The following SNX4 variants were observed in gnomAD, a reference collection of about 807,000 sequenced individuals.
The protein encoded by SNX4 is sorting nexin-4.
SNX4 carries 49 observed loss-of-function variants against 70.8 expected under a neutral mutation model. That is an observed-to-expected ratio of 0.69 (90% CI 0.55 to 0.88). SNX4 has a LOEUF of 0.88. Among genes scored for constraint, SNX4 ranks in the 40% least tolerant of loss-of-function variants. The pLI is 0.00. For synonymous variants in SNX4, 206 were observed against 183.8 expected (o/e 1.12, Z -0.98); for missense variants, 528 against 544.8 (o/e 0.97, Z 0.31).
intron 8 of SNX4, among the ~76,000 whole-genome samples, chr3:125,470,573 A>G (rs1559813760): frequency 6.6e-6 from 1 of 151,988 alleles, no homozygotes; most frequent in East Asian, 1.9e-4. Flanking sequence ...CACCTCTTGG[A>G]TCTAGAACTC....
chr3:125,510,494 G>C (rs908211606), intron 1 of SNX4, among the ~76,000 whole-genome samples: 22 of 152,124 alleles, frequency 1.4e-4, no homozygotes, highest in Non-Finnish European at 2.5e-4. Flanking sequence ...CTCCCAAAGT[G>C]CTGGGATTAC....
chr3:125,462,926 T>C (rs1382801244), intron 9 of SNX4, among the ~76,000 whole-genome samples: 2 of 152,214 alleles, frequency 1.3e-5, no homozygotes, highest in East Asian at 1.9e-4. Context: ...GACTAACTCA[T>C]AGGCAGTACA....
At chr3:125,506,344 C>CTTTTTTT (rs552693772) in intron 1 of SNX4, among the ~76,000 whole-genome samples, 1 of 137,720 alleles carries the variant, frequency 7.3e-6, no homozygotes, top group African/African-American at 2.7e-5. Flanking sequence ...TTTTTCATTT[C>CTTTTTTT]TTTTTTTTTT....
chr3:125,514,197 AAG>A (rs1214093318), intron 1 of SNX4, among the ~76,000 whole-genome samples: 2 of 152,164 alleles, frequency 1.3e-5, no homozygotes, highest in African/African-American at 4.8e-5. Context: ...AGCAATAACT[AAG>A]AAAAATAGGG....
At chr3:125,479,257 T>C (rs1453811659) in intron 7 of SNX4, among the ~76,000 whole-genome samples, 1 of 152,064 alleles carries the variant, frequency 6.6e-6, no homozygotes, top group African/African-American at 2.4e-5. Flanking sequence ...ATATATTTCA[T>C]TTCAAGAGGA....
chr3:125,464,483 C>T (rs1933958097), intron 9 of SNX4, among the ~76,000 whole-genome samples: 1 of 150,880 alleles, frequency 6.6e-6, no homozygotes, highest in African/African-American at 2.4e-5. Flanking sequence ...CCAGTTATTC[C>T]AACACCATTT....
chr3:125,468,761 T>G (rs1374518577), intron 9 of SNX4, among the ~76,000 whole-genome samples: 1 of 151,064 alleles, frequency 6.6e-6, no homozygotes, highest in Non-Finnish European at 1.5e-5. Flanking sequence ...AGGTGGAAGG[T>G]GTGCTTGAGC....
intron 7 of SNX4, among the ~76,000 whole-genome samples, chr3:125,478,308 G>C (rs928942247): frequency 6.6e-6 from 1 of 151,874 alleles, no homozygotes; most frequent in Admixed American, 6.6e-5. Flanking sequence ...GACCTCAAAT[G>C]ATCTGCCCAC....
At chr3:125,502,379 C>T (rs1934947770) in intron 2 of SNX4, among the ~76,000 whole-genome samples, 1 of 149,936 alleles carries the variant, frequency 6.7e-6, no homozygotes, top group Non-Finnish European at 1.5e-5. Flanking sequence ...TCTTTTCTCT[C>T]TTTTTCTTTC....
intron 10 of SNX4, among the ~76,000 whole-genome samples, chr3:125,457,572 C>CTTTTTTT (rs1005344428): frequency 3.6e-5 from 4 of 110,434 alleles, no homozygotes; most frequent in Non-Finnish European, 7.2e-5. Flanking sequence ...TTCATATATT[C>CTTTTTTT]TTTTTTTTTT....
At chr3:125,495,984 C>T (rs975625224) in intron 5 of SNX4, among the ~76,000 whole-genome samples, 11 of 152,134 alleles carry the variant, frequency 7.2e-5, no homozygotes, top group African/African-American at 2.7e-4. Context: ...CAAGAAAATT[C>T]TAATTGTTTC....
chr3:125,508,865 A>T (rs1408995397), intron 1 of SNX4, among the ~76,000 whole-genome samples: 1 of 151,810 alleles, frequency 6.6e-6, no homozygotes, highest in Non-Finnish European at 1.5e-5. Context: ...ACAAAAACTA[A>T]CTTTAAATGG....
At chr3:125,460,445 A>G (rs1933850271) in intron 10 of SNX4, among the ~76,000 whole-genome samples, 1 of 152,228 alleles carries the variant, frequency 6.6e-6, no homozygotes, top group African/African-American at 2.4e-5. Context: ...ATAGCAATAT[A>G]CAACATAGTA....
At position 125,495,277 on chromosome 3, in the gene SNX4, T is replaced by TATATACAC; in HGVS notation, c.597+2063_597+2064insGTGTATAT. Among the ~76,000 whole-genome samples the TATATACAC allele has an allele frequency of 3.4e-4, 34 of 99,604 alleles. 2 individuals carry two copies. The highest frequency in any genetic ancestry group is 1.1e-3 in the East Asian group (3 of 2,656). 65.3% of individuals were successfully genotyped at this position (99,604 alleles called of 152,430 possible). ...ATATATATATATATATATATATATA[T>TATATACAC]ACACATACACACACACACACGTATG... On this transcript the variant is annotated intron_variant, in intron 5 of 13. Transcript: ENST00000251775.
chr3:125,512,225 A>C (rs1935187987), intron 1 of SNX4, among the ~76,000 whole-genome samples: 1 of 152,188 alleles, frequency 6.6e-6, no homozygotes, highest in Non-Finnish European at 1.5e-5. Flanking sequence ...ATGTATTAAT[A>C]ATACATTCTG....
intron 6 of SNX4, among the ~76,000 whole-genome samples, chr3:125,484,171 A>G (rs924297195): frequency 1.3e-5 from 2 of 152,186 alleles, no homozygotes; most frequent in Admixed American, 6.5e-5. Flanking sequence ...TCCAAACCCA[A>G]TATGTCCTAT....
chr3:125,456,077 T>G (rs1323036191), intron 11 of SNX4, among the ~76,000 whole-genome samples: 1 of 152,148 alleles, frequency 6.6e-6, no homozygotes, highest in Non-Finnish European at 1.5e-5. Context: ...GTTTACTACT[T>G]TCAGAATGTG....
chr3:125,512,232 T>G (rs1395760813), intron 1 of SNX4, among the ~76,000 whole-genome samples: 1 of 152,186 alleles, frequency 6.6e-6, no homozygotes, highest in Non-Finnish European at 1.5e-5. Flanking sequence ...AATAATACAT[T>G]CTGGCCCACA....
intron 5 of SNX4, 71 bp from the exon 6 acceptor site, chr3:125,489,534 C>A: frequency 8.1e-7 from 1 of 1,238,260 alleles, no homozygotes; most frequent in East Asian, 2.4e-5. Flanking sequence ...TTTTACTTTC[C>A]CTTTAGAATT....
Sources: allele counts gnomAD v4.1 joint callset (sites outside exome capture counted in the v4.1 genomes callset), GRCh38; gene constraint gnomAD v4.1.1; transcripts MANE v1.5; gene names NCBI Gene and HGNC (gene_info 2026-07-23, HGNC 2026-07-21).